The following PPFIA2 variants were observed in gnomAD, a reference collection of about 807,000 sequenced individuals.
PPFIA2 encodes liprin-alpha-2.
PPFIA2 carries 46 observed loss-of-function variants against 175.5 expected under a neutral mutation model. The observed-to-expected ratio is 0.26, with a 90% confidence interval of 0.21 to 0.34. The LOEUF is 0.34. Among genes scored for constraint, PPFIA2 ranks in the 10% least tolerant of loss-of-function variants. PPFIA2 has a pLI of 1.00. For synonymous variants in PPFIA2, 568 were observed against 511.4 expected (o/e 1.11, Z -1.49); for missense variants, 1,179 against 1,506.1 (o/e 0.78, Z 3.60).
intron 3 of PPFIA2, among the ~76,000 whole-genome samples, chr12:81,752,926 A>G (rs2084044413): frequency 7.2e-6 from 1 of 139,280 alleles, no homozygotes; most frequent in Non-Finnish European, 1.6e-5. Context: ...AAAGAGGCAC[A>G]ATTATGCTTT....
chr12:81,696,676 A>G (rs2075931103), intron 3 of PPFIA2, among the ~76,000 whole-genome samples: 1 of 152,066 alleles, frequency 6.6e-6, no homozygotes, highest in African/African-American at 2.4e-5. Flanking sequence ...TTTATTAAAC[A>G]TACTGCTATG....
chr12:81,469,127 G>A (rs938127432), intron 4 of PPFIA2, among the ~76,000 whole-genome samples: 1 of 152,190 alleles, frequency 6.6e-6, no homozygotes. Flanking sequence ...CATAGATACT[G>A]AGGGATATTT....
chr12:81,430,968 T>G (rs527276094), intron 7 of PPFIA2: 2 of 152,334 alleles, frequency 1.3e-5, no homozygotes, highest in African/African-American at 2.4e-5. Context: ...ATAAAGCTGA[T>G]TGTAGATGAG....
At chr12:81,295,518 G>A (rs1403139890) in intron 23 of PPFIA2, among the ~76,000 whole-genome samples, 2 of 152,190 alleles carry the variant, frequency 1.3e-5, no homozygotes, top group African/African-American at 4.8e-5. Context: ...AAAGCATGCA[G>A]TGTAGCTAAG....
At chr12:81,553,262 A>C (rs577938866) in intron 4 of PPFIA2, among the ~76,000 whole-genome samples, 5 of 152,212 alleles carry the variant, frequency 3.3e-5, no homozygotes, top group South Asian at 4.1e-4. Context: ...AGGAAAAAAA[A>C]CCAAGAAGCA....
intron 4 of PPFIA2, among the ~76,000 whole-genome samples, chr12:81,468,821 A>T (rs1042322528): frequency 3.3e-5 from 5 of 152,034 alleles, no homozygotes; most frequent in African/African-American, 1.2e-4. Flanking sequence ...TTAAAATTGC[A>T]CACTGTAGCT....
chr12:81,468,186 A>T (rs977432698), intron 4 of PPFIA2, among the ~76,000 whole-genome samples: 11 of 152,220 alleles, frequency 7.2e-5, no homozygotes, highest in Non-Finnish European at 2.9e-5. Context: ...CAGAGGAACC[A>T]ACCTACTTCT....
At chr12:81,477,519 G>C (rs1295532195) in intron 4 of PPFIA2, among the ~76,000 whole-genome samples, 1 of 152,156 alleles carries the variant, frequency 6.6e-6, no homozygotes, top group Admixed American at 6.6e-5. Flanking sequence ...TGCCCATTCT[G>C]TATGATATTG....
At chr12:81,290,962 A>C (rs1286466062) in intron 24 of PPFIA2, among the ~76,000 whole-genome samples, 1 of 151,826 alleles carries the variant, frequency 6.6e-6, no homozygotes. Flanking sequence ...TCAATAACTA[A>C]AAGTGATGTT....
chr12:81,376,195 C>A, intron 9 of PPFIA2, among the ~76,000 whole-genome samples: 1 of 152,248 alleles, frequency 6.6e-6, no homozygotes, highest in East Asian at 1.9e-4. Flanking sequence ...TTTTGAAACT[C>A]TCTACTGTAG....
chr12:81,500,510 A>G (rs1250696467), intron 4 of PPFIA2, among the ~76,000 whole-genome samples: 4 of 152,222 alleles, frequency 2.6e-5, no homozygotes, highest in Non-Finnish European at 4.4e-5. Flanking sequence ...TCCCAGGCAT[A>G]ACAACGCTTT....
At chr12:81,551,548 C>A (rs900494620) in intron 4 of PPFIA2, among the ~76,000 whole-genome samples, 1 of 151,858 alleles carries the variant, frequency 6.6e-6, no homozygotes, top group African/African-American at 2.4e-5. Context: ...ATATTATAAG[C>A]AATCTAGAGA....
intron 4 of PPFIA2, among the ~76,000 whole-genome samples, chr12:81,526,837 T>C (rs2063787361): frequency 6.6e-6 from 1 of 152,194 alleles, no homozygotes; most frequent in Non-Finnish European, 1.5e-5. Context: ...CATTGATATC[T>C]ATTTTAATTG....
intron 4 of PPFIA2, among the ~76,000 whole-genome samples, chr12:81,657,380 A>C (rs1239053837): frequency 2.6e-5 from 4 of 152,186 alleles, no homozygotes; most frequent in African/African-American, 9.6e-5. Context: ...GTACCAACTT[A>C]CTGGGGTCCA....
At chr12:81,525,489 G>C (rs2063630486) in intron 4 of PPFIA2, among the ~76,000 whole-genome samples, 1 of 152,144 alleles carries the variant, frequency 6.6e-6, no homozygotes, top group African/African-American at 2.4e-5. Flanking sequence ...TAACCCCTAA[G>C]AGCTGAGGGT....
At chr12:81,266,261 C>T (rs2037222421) in intron 30 of PPFIA2, among the ~76,000 whole-genome samples, 1 of 152,192 alleles carries the variant, frequency 6.6e-6, no homozygotes, top group Non-Finnish European at 1.5e-5. Flanking sequence ...TTCCTTCCCA[C>T]TTCTTCCAGA....
At chr12:81,584,977 ATTAATTATATTTATATATAATATAT>A (rs2075042625) in intron 4 of PPFIA2, among the ~76,000 whole-genome samples, 1 of 26,622 alleles carries the variant, frequency 3.8e-5, no homozygotes, top group Non-Finnish European at 8.5e-5. Context: ...TATATTATAT[ATTAATTATATTTATATATAATATAT>A]TAATTATATT....
chr12:81,323,662 T>C (rs894826824), intron 22 of PPFIA2, among the ~76,000 whole-genome samples: 86 of 152,076 alleles, frequency 5.7e-4, no homozygotes, highest in African/African-American at 2.0e-3. Context: ...TATTAATAAT[T>C]AACAATGTAA....
chr12:81,493,674 C>G (rs73358673), intron 4 of PPFIA2, among the ~76,000 whole-genome samples: 4,598 of 148,682 alleles, frequency 0.031, 236 homozygotes, highest in African/African-American at 0.11. Context: ...TGTAAAGGAA[C>G]TGATAGAAAT....
Sources: gnomAD v4.1 joint callset for allele counts (sites outside exome capture counted in the v4.1 genomes callset) on GRCh38, gnomAD v4.1.1 for gene constraint, MANE v1.5 for transcripts, NCBI Gene and HGNC (gene_info 2026-07-23, HGNC 2026-07-21) for gene names.